Variants in CUL4A observed in about 807,000 individuals in gnomAD.
CUL4A encodes cullin-4A.
In CUL4A, 16 loss-of-function variants were observed where a neutral mutation model predicts 95.5. The ratio of observed to expected loss-of-function variants is 0.17; its 90% CI spans 0.11 to 0.25. CUL4A has a LOEUF of 0.25. Among genes scored for constraint, CUL4A ranks in the 10% least tolerant of loss-of-function variants. The probability of loss-of-function intolerance (pLI) is 1.00; values close to 1 mark genes in which losing one functional copy is unlikely to be tolerated. For missense variants in CUL4A, 610 were observed against 937.0 expected (o/e 0.65, Z 4.56); for synonymous variants, 380 against 353.1 (o/e 1.08, Z -0.85).
chr13:113,212,694 AG>A (rs1430550323), intron 2 of CUL4A, among the ~76,000 whole-genome samples: 1 of 152,166 alleles, frequency 6.6e-6, no homozygotes, highest in Non-Finnish European at 1.5e-5. Context: ...CTGAGGCCGG[AG>A]AATCGCTTGA....
At chr13:113,237,671 A>T (rs865823374) in intron 9 of CUL4A, among the ~76,000 whole-genome samples, 3 of 152,226 alleles carry the variant, frequency 2.0e-5, no homozygotes, top group South Asian at 2.1e-4. Flanking sequence ...TCTGAAAGTC[A>T]TTTTAAATGT....
At chr13:113,216,863 G>A (rs933714056) in intron 2 of CUL4A, among the ~76,000 whole-genome samples, 6 of 152,176 alleles carry the variant, frequency 3.9e-5, no homozygotes, top group Admixed American at 2.0e-4. Flanking sequence ...ATATGAAGCC[G>A]GGAGTCCTGA....
intron 15 of CUL4A, 58 bp from the exon 16 acceptor site, chr13:113,253,024 G>A: frequency 5.4e-6 from 4 of 734,002 alleles, no homozygotes; most frequent in Non-Finnish European, 9.3e-6. Context: ...CATTGAATGG[G>A]GAGCTATTGA....
chr13:113,255,169 G>A, intron 18 of CUL4A, 44 bp downstream of exon 18: 2 of 1,458,518 alleles, frequency 1.4e-6, no homozygotes, highest in Non-Finnish European at 1.9e-6. Context: ...GGTTTAGCAG[G>A]GAATCATTTG....
At chr13:113,244,360 A>G (rs1358540937) in intron 11 of CUL4A, 50 bp from the exon 12 acceptor site, 3 of 1,314,288 alleles carry the variant, frequency 2.3e-6, no homozygotes, top group Non-Finnish European at 3.2e-6. Context: ...GAAATTGAAG[A>G]TGCTCTCTTT....
In CUL4A at chr13:113,266,669, C is replaced by T. The variant is rs1478536179; in HGVS notation, c.*3087C>T. ...CAAATAAGCCAAATACACAGGAACTCGGCGTGGCACAAAGGGGCCGTGTGT... is the reference window on the plus strand; with the variant it reads ...CAAATAAGCCAAATACACAGGAACTTGGCGTGGCACAAAGGGGCCGTGTGT... On this transcript the variant is annotated 3_prime_UTR_variant, in exon 20 of 20. Transcript: ENST00000375440. The T allele has an allele frequency of 3.9e-5, 6 of 152,266 alleles. No homozygotes were observed. Among genetic ancestry groups the T allele is most frequent in the East Asian group, 1.9e-4 (1 of 5,182 alleles). The allele number at this position is 152,266 out of a possible 1,614,324, so 9.4% of individuals were successfully genotyped here. A position where few individuals can be genotyped will look rare whatever the true frequency, so the allele number is the denominator to read the frequency against.
At chr13:113,224,114 A>T (rs1280686059) in intron 3 of CUL4A, among the ~76,000 whole-genome samples, 1 of 152,226 alleles carries the variant, frequency 6.6e-6, no homozygotes, top group Non-Finnish European at 1.5e-5. Flanking sequence ...GTACTTTGGG[A>T]GGCCAAGGTG....
upstream of CUL4A, chr13:113,209,411 CTT>C (rs1023560228): frequency 1.2e-4 from 19 of 152,508 alleles, no homozygotes; most frequent in Admixed American, 2.7e-4. Flanking sequence ...GTCCGAATCT[CTT>C]AGGGGGAGTC....
chr13:113,238,734 G>C (rs374092253), intron 9 of CUL4A, among the ~76,000 whole-genome samples: 1 of 152,122 alleles, frequency 6.6e-6, no homozygotes, highest in African/African-American at 2.4e-5. Flanking sequence ...ATGTGTTTGC[G>C]CACAGCTTTA....
chr13:113,249,129 T>G (rs1244401224), intron 15 of CUL4A, among the ~76,000 whole-genome samples: 1 of 152,248 alleles, frequency 6.6e-6, no homozygotes, highest in Non-Finnish European at 1.5e-5. Context: ...CATTAGATAG[T>G]TCACAGAAAT....
At position 113,265,404 on chromosome 13, in the gene CUL4A, T is replaced by C. The variant is rs1000084944; in HGVS notation, c.*1822T>C. ...TCCATTTTAGTTTATTTATTTTTAA[T>C]TGAGGTGGAGTCTTGCTCTGTTGCC... On this transcript the variant is annotated 3_prime_UTR_variant, in exon 20 of 20. Coordinates refer to ENST00000375440, the MANE Select transcript of CUL4A (RefSeq NM_001008895.4). 34 of 152,312 alleles carry C rather than the reference T, an allele frequency of 2.2e-4. No homozygotes were observed. Among genetic ancestry groups the C allele is most frequent in the African/African-American group, 7.2e-4 (30 of 41,462 alleles). The allele number at this position is 152,312 out of a possible 1,614,324, so 9.4% of individuals were successfully genotyped here.
chr13:113,217,412 G>A (rs1047515597), intron 2 of CUL4A, among the ~76,000 whole-genome samples: 9 of 152,154 alleles, frequency 5.9e-5, no homozygotes, highest in Non-Finnish European at 1.2e-4. Context: ...AAAATGTAGG[G>A]GGAAAGTTTG....
chr13:113,219,593 T>G (rs2040823893), intron 3 of CUL4A: 1 of 153,598 alleles, frequency 6.5e-6, no homozygotes, highest in African/African-American at 2.4e-5. Flanking sequence ...CCGTGTTGCT[T>G]GGTGTCACTC....
chr13:113,212,031 T>G (rs1334565100), intron 2 of CUL4A, among the ~76,000 whole-genome samples: 1 of 152,228 alleles, frequency 6.6e-6, no homozygotes, highest in Non-Finnish European at 1.5e-5. Flanking sequence ...TGGTGGAGTG[T>G]CATTGTAGTT....
At chr13:113,232,186 G>GTCACCACCACCCGCCCACCACCATTA (rs1566343636) in intron 5 of CUL4A, among the ~76,000 whole-genome samples, 1 of 6,668 alleles carries the variant, frequency 1.5e-4, no homozygotes, top group Admixed American at 1.6e-3. Flanking sequence ...CACCATTACT[G>GTCACCACCACCCGCCCACCACCATTA]CTGCCACCAC....
At chr13:113,263,412 C>T (rs1595442496) in intron 19 of CUL4A, 75 bp from the exon 20 acceptor site, 2 of 690,108 alleles carry the variant, frequency 2.9e-6, no homozygotes, top group Non-Finnish European at 2.5e-6. Flanking sequence ...ATACTTCATG[C>T]ATATACCCCT....
At chr13:113,213,656 A>G (rs192058996) in intron 2 of CUL4A, among the ~76,000 whole-genome samples, 291 of 152,328 alleles carry the variant, frequency 1.9e-3, no homozygotes, top group African/African-American at 6.8e-3. Context: ...ACACAGTGAT[A>G]TGTCTTATAA....
chr13:113,244,854 AC>A, intron 12 of CUL4A, 94 bp from the exon 13 acceptor site: 26 of 813,468 alleles, frequency 3.2e-5, no homozygotes, highest in Non-Finnish European at 4.4e-5. Context: ...AAAAAAAAAA[AC>A]ACTTTTAAGG....
rs145694878 is a variant in CUL4A, at chr13:113,243,012, C to T, written c.1080C>T (p.Asp360=). 7 of 1,613,278 alleles carry T rather than the reference C, an allele frequency of 4.3e-6. No individual in the cohort carries two copies. The highest frequency in any genetic ancestry group is 5.9e-6 in the Non-Finnish European group (7 of 1,179,460). Residue 360 remains aspartate, a synonymous_variant, in exon 11 of 20, where the codon GAC becomes GAT. Transcript: ENST00000375440. ...AIVINPEKDK[D]MVQDLLDFKD... is the part of the protein sequence containing the mutation. ...TAATCAATCCTGAGAAAGACAAAGA[C>T]ATGGTCCAAGACCTGTTGGACTTCA...
Sources: gnomAD v4.1 joint callset for allele counts (sites outside exome capture counted in the v4.1 genomes callset) on GRCh38, gnomAD v4.1.1 for gene constraint, MANE v1.5 for transcripts, NCBI Gene and HGNC (gene_info 2026-07-23, HGNC 2026-07-21) for gene names.